Variants in CARM1 observed in about 807,000 individuals in gnomAD.
CARM1 encodes coactivator associated arginine methyltransferase 1.
A neutral mutation model predicts 72.7 loss-of-function variants in CARM1; 14 were observed. The observed-to-expected ratio is 0.19, with a 90% CI of 0.13 to 0.30. The LOEUF (loss-of-function observed/expected upper bound fraction) is 0.30, where lower values mean the gene tolerates loss of function less well. CARM1 is among the 10% of genes least tolerant of loss of function. The pLI is 1.00. For synonymous variants in CARM1, 333 were observed against 345.5 expected (o/e 0.96, Z 0.40); for missense variants, 432 against 833.7 (o/e 0.52, Z 5.93).
chr19:10,907,678 G>T (rs2074115062), intron 2 of CARM1, among the ~76,000 whole-genome samples: 1 of 152,176 alleles, frequency 6.6e-6, no homozygotes, highest in Non-Finnish European at 1.5e-5. Context: ...GCTGCCCTGA[G>T]CTTCTGGGTG....
At chr19:10,880,180 T>G (rs1185842368) in intron 1 of CARM1, among the ~76,000 whole-genome samples, 2 of 152,196 alleles carry the variant, frequency 1.3e-5, no homozygotes, top group Non-Finnish European at 2.9e-5. Context: ...TTCTAAGGTC[T>G]GCTGGAGAAC....
intron 15 of CARM1, 21 bp downstream of exon 15, chr19:10,921,464 A>G: frequency 6.3e-7 from 1 of 1,595,756 alleles, no homozygotes; most frequent in Middle Eastern, 1.7e-4. Flanking sequence ...TGGCGGGGGC[A>G]GGGCCCGTGG....
intron 1 of CARM1, among the ~76,000 whole-genome samples, chr19:10,880,969 C>T (rs974932841): frequency 6.6e-6 from 1 of 152,138 alleles, no homozygotes; most frequent in Non-Finnish European, 1.5e-5. Flanking sequence ...TTACAACCAG[C>T]CCGGGAAACA....
At chr19:10,898,361 C>T (rs545713142) in intron 1 of CARM1, among the ~76,000 whole-genome samples, 3 of 152,206 alleles carry the variant, frequency 2.0e-5, no homozygotes, top group African/African-American at 7.2e-5. Flanking sequence ...GAACTCACCA[C>T]GGCCTCCTGG....
At chr19:10,886,865 C>T (rs996410296) in intron 1 of CARM1, among the ~76,000 whole-genome samples, 9 of 152,112 alleles carry the variant, frequency 5.9e-5, no homozygotes, top group South Asian at 2.1e-4. Context: ...ATTTTGCCCA[C>T]GCTGGTCTCA....
chr19:10,879,504 G>A (rs1301039352), intron 1 of CARM1, among the ~76,000 whole-genome samples: 1 of 152,178 alleles, frequency 6.6e-6, no homozygotes, highest in Non-Finnish European at 1.5e-5. Flanking sequence ...GTTATGGAGA[G>A]GTGCTCCAGT....
At position 10,871,912 on chromosome 19, in the gene CARM1, C is replaced by T. The variant is rs2073821655; in HGVS notation, c.210C>T (p.Ala70=). The change falls in exon 1 of 16, where the codon GCC becomes GCT. Residue 70 remains alanine, a synonymous_variant. Coordinates refer to ENST00000327064, the MANE Select transcript of CARM1 (RefSeq NM_199141.2). The surrounding 1 kb of genome is among the most constrained non-coding windows in gnomAD (Gnocchi z 5.6). ...VRAGPDSAGI[A]LYSHEDVCVF... is the part of the protein sequence containing the mutation. Reference sequence around the variant, plus strand: ...CCGGCCCGGACTCGGCGGGCATCGCCCTCTACAGCCGTGAGTACGGGGCCC... The same window carrying T: ...CCGGCCCGGACTCGGCGGGCATCGCTCTCTACAGCCGTGAGTACGGGGCCC... 4.9e-6 allele frequency: 6 copies of T among 1,213,312 alleles called. No homozygotes were observed. The highest frequency in any genetic ancestry group is 6.2e-6 in the Non-Finnish European group (6 of 973,242). The allele number at this position is 1,213,312 out of a possible 1,614,324, so 75.2% of individuals were successfully genotyped here.
Position 10,921,603 on chromosome 19 carries a change from C to G in CARM1, c.1685-12C>G, listed in dbSNP as rs1375030191. 1.2e-6 allele frequency: 2 copies of G among 1,604,722 alleles called. No homozygotes were observed. The highest frequency in any genetic ancestry group is 1.7e-6 in the Non-Finnish European group (2 of 1,174,198). On this transcript the variant is annotated splice_polypyrimidine_tract_variant and intron_variant, in intron 15 of 15. Coordinates refer to ENST00000327064, the MANE Select transcript of CARM1 (RefSeq NM_199141.2). The stretch of plus-strand genomic sequence containing the variant: ...CCAGGGCAGCCCCTCACTGCCATTG[C>G]CTGCTCCACAGGGTCCTCCGGCGCC...
At chr19:10,889,614 C>G (rs1447717066) in intron 1 of CARM1, among the ~76,000 whole-genome samples, 1 of 151,914 alleles carries the variant, frequency 6.6e-6, no homozygotes, top group South Asian at 2.1e-4. Context: ...CAGGCGTGAG[C>G]TACCATGCCT....
intron 1 of CARM1, among the ~76,000 whole-genome samples, chr19:10,890,071 G>A (rs920186942): frequency 6.6e-6 from 1 of 152,048 alleles, no homozygotes. Flanking sequence ...AACATAGCAA[G>A]ACCCCATCTC....
intron 1 of CARM1, among the ~76,000 whole-genome samples, chr19:10,891,702 C>G (rs2073989112): frequency 6.6e-6 from 1 of 152,258 alleles, no homozygotes; most frequent in Admixed American, 6.5e-5. Context: ...CCCCAGCCTT[C>G]GCCATTGCCT....
At chr19:10,878,807 CTTT>C (rs959582502) in intron 1 of CARM1, among the ~76,000 whole-genome samples, 3 of 140,214 alleles carry the variant, frequency 2.1e-5, no homozygotes, top group Admixed American at 7.2e-5. Flanking sequence ...CTCCCCCCGG[CTTT>C]TTTTTTTTTT....
intron 4 of CARM1, among the ~76,000 whole-genome samples, chr19:10,911,894 A>C (rs1191792337): frequency 1.3e-5 from 2 of 152,324 alleles, no homozygotes; most frequent in Admixed American, 6.5e-5. Context: ...ATGCTTTTCA[A>C]CTGCCAGTGA....
rs372691567 is a variant in CARM1 at position 10,920,582 on chromosome 19, G to A, written c.1334+9G>A. On this transcript the variant is annotated intron_variant, in intron 11 of 15. Coordinates refer to ENST00000327064, the MANE Select transcript of CARM1 (RefSeq NM_199141.2). This position sits in a 1 kb window ranked among gnomAD's most constrained non-coding sequence, Gnocchi z 5.3. ...CTTATTGCCAACAAAAGGTGCGACT[G>A]CTCCCTGGGGCTGGTGGTGGTGGGC... 6.7e-5 allele frequency: 108 copies of A among 1,613,720 alleles called. No individual in the cohort carries two copies. The highest frequency in any genetic ancestry group is 4.3e-4 in the Admixed American group (26 of 59,976).
At chr19:10,874,281 A>T (rs1416262317) in intron 1 of CARM1, among the ~76,000 whole-genome samples, 1 of 152,124 alleles carries the variant, frequency 6.6e-6, no homozygotes, top group Admixed American at 6.5e-5. Flanking sequence ...GAAAGTCCAC[A>T]TTCCTCAGAG....
chr19:10,903,125 T>TC (rs1184556182), intron 1 of CARM1, among the ~76,000 whole-genome samples: 2 of 152,216 alleles, frequency 1.3e-5, no homozygotes, highest in Non-Finnish European at 2.9e-5. Context: ...CACTATTCTT[T>TC]CCCCATTGAA....
At chr19:10,907,711 C>T (rs538708181) in intron 2 of CARM1, among the ~76,000 whole-genome samples, 2 of 152,308 alleles carry the variant, frequency 1.3e-5, no homozygotes, top group South Asian at 2.1e-4. Context: ...TTTGCCAGAG[C>T]TTTGACTCCT....
Position 10,890,678 on chromosome 19 carries a change from TACATATATACAC to T in CARM1, c.221-14257_221-14246del, listed in dbSNP as rs921657559. Among the ~76,000 whole-genome samples, 616 of 148,890 alleles carry T rather than the reference TACATATATACAC, an allele frequency of 4.1e-3. 5 individuals are homozygous for T. Among genetic ancestry groups the T allele is most frequent in the Non-Finnish European group, 7.0e-3 (470 of 67,524 alleles). ...ATACGTATATATGTGTATACGTATA[TACATATATACAC>T]ACATATATACACACACATATATACA... On this transcript the variant is annotated intron_variant, in intron 1 of 15. Transcript: ENST00000327064.
intron 1 of CARM1, among the ~76,000 whole-genome samples, chr19:10,902,297 T>C (rs938334794): frequency 8.6e-4 from 127 of 147,012 alleles, no homozygotes; most frequent in Non-Finnish European, 1.5e-3. Flanking sequence ...TTTCTTTTTT[T>C]TTTTTTTTTT....
Sources: allele counts gnomAD v4.1 joint callset (sites outside exome capture counted in the v4.1 genomes callset), GRCh38; gene constraint gnomAD v4.1.1; non-coding constraint Gnocchi (gnomAD v3.1); transcripts MANE v1.5; gene names NCBI Gene and HGNC (gene_info 2026-07-23, HGNC 2026-07-21).